DNAAF11: variants seen among roughly 807,000 people sequenced by gnomAD.
DNAAF11 encodes dynein axonemal assembly factor 11, also known as leucine rich repeat containing 6.
In DNAAF11, 45 loss-of-function variants were observed where a neutral mutation model predicts 60.8. The ratio of observed to expected loss-of-function variants is 0.74; its 90% CI spans 0.58 to 0.95. The LOEUF (loss-of-function observed/expected upper bound fraction) is 0.95. DNAAF11 is among the 40% of genes least tolerant of loss of function. The pLI, the probability that DNAAF11 is intolerant of heterozygous loss-of-function variation, is 0.00. For missense variants in DNAAF11, 546 were observed against 546.2 expected, an observed-to-expected ratio of 1.00 and a Z score of 0.00; for synonymous variants, 191 against 183.5, an observed-to-expected ratio of 1.04 and a Z score of -0.33.
At chr8:132,584,841 T>G (rs1018185274) in intron 10 of DNAAF11, among the ~76,000 whole-genome samples, 1 of 152,162 alleles carries the variant, frequency 6.6e-6, no homozygotes, top group Non-Finnish European at 1.5e-5. Context: ...AGACTAGGCC[T>G]GGACTTCAAG....
At chr8:132,698,036 C>G in the DNAAF11 span, among the ~76,000 whole-genome samples, 23 of 152,170 alleles carry the variant, frequency 1.5e-4, no homozygotes, top group African/African-American at 5.3e-4. Flanking sequence ...AAGTGGAAAA[C>G]ATCCTGGACT....
At chr8:132,682,681 CTTAG>C in the DNAAF11 span, among the ~76,000 whole-genome samples, 1 of 152,108 alleles carries the variant, frequency 6.6e-6, no homozygotes, top group Non-Finnish European at 1.5e-5. Flanking sequence ...AAACTAGTGT[CTTAG>C]TTATTTTGTG....
chr8:132,632,060 A>T (rs1820857538), intron 5 of DNAAF11, among the ~76,000 whole-genome samples: 1 of 152,058 alleles, frequency 6.6e-6, no homozygotes, highest in Non-Finnish European at 1.5e-5. Context: ...AAACATACAA[A>T]CTATTGTCAT....
At chr8:132,700,523 CA>C in the DNAAF11 span, among the ~76,000 whole-genome samples, 38,824 of 135,258 alleles carry the variant, frequency 0.29, 6,737 homozygotes, top group African/African-American at 0.52. Flanking sequence ...CCCACCTCTA[CA>C]AAAAAAAAAA....
intron 10 of DNAAF11, among the ~76,000 whole-genome samples, chr8:132,602,036 A>AT (rs985102765): frequency 3.0e-4 from 46 of 151,034 alleles, no homozygotes; most frequent in Admixed American, 2.8e-3. Context: ...CTTCGTTAAT[A>AT]TTTTTTTTTC....
chr8:132,638,625 C>T (rs745481248), intron 3 of DNAAF11, among the ~76,000 whole-genome samples: 7 of 151,950 alleles, frequency 4.6e-5, no homozygotes, highest in Non-Finnish European at 1.0e-4. Context: ...GCAAAGTCAC[C>T]TAGCAGAGAG....
chr8:132,673,602 T>C (rs1448380767), intron 1 of DNAAF11, among the ~76,000 whole-genome samples: 1 of 152,210 alleles, frequency 6.6e-6, no homozygotes, highest in Non-Finnish European at 1.5e-5. Flanking sequence ...CTTCTTTCTG[T>C]CTCACACCAG....
intron 7 of DNAAF11, among the ~76,000 whole-genome samples, chr8:132,621,688 G>A (rs1270732993): frequency 6.6e-6 from 1 of 152,134 alleles, no homozygotes; most frequent in Non-Finnish European, 1.5e-5. Context: ...CTAGTGTTCT[G>A]TCTTGCATTC....
chr8:132,593,332 C>CACATAT (rs1816660055), intron 10 of DNAAF11, among the ~76,000 whole-genome samples: 1 of 108,740 alleles, frequency 9.2e-6, no homozygotes, highest in Admixed American at 1.0e-4. Context: ...TATATACATA[C>CACATAT]ATATATATAT....
chr8:132,687,237 A>T, the DNAAF11 span, among the ~76,000 whole-genome samples: 5 of 152,246 alleles, frequency 3.3e-5, no homozygotes, highest in Admixed American at 3.3e-4. Flanking sequence ...ATTTACAGTT[A>T]TTTCCATTTA....
chr8:132,626,579 C>T (rs566113389), intron 5 of DNAAF11, among the ~76,000 whole-genome samples: 2 of 152,128 alleles, frequency 1.3e-5, no homozygotes, highest in South Asian at 2.1e-4. Flanking sequence ...TTCTGTTGTG[C>T]CAGGCACCAG....
At chr8:132,657,741 G>A (rs1823722943) in intron 2 of DNAAF11, among the ~76,000 whole-genome samples, 1 of 152,150 alleles carries the variant, frequency 6.6e-6, no homozygotes, top group Non-Finnish European at 1.5e-5. Flanking sequence ...CTTATCACAT[G>A]TCACACAATG....
At chr8:132,591,555 G>T (rs865796536) in intron 10 of DNAAF11, among the ~76,000 whole-genome samples, 109 of 151,838 alleles carry the variant, frequency 7.2e-4, no homozygotes, top group African/African-American at 2.4e-3. Flanking sequence ...ATTGTTTTCT[G>T]AAATACTTTT....
At chr8:132,618,064 A>C (rs1445481612) in intron 7 of DNAAF11, among the ~76,000 whole-genome samples, 1 of 151,088 alleles carries the variant, frequency 6.6e-6, no homozygotes, top group Non-Finnish European at 1.5e-5. Context: ...AGGCTACAGT[A>C]ACCAAAACAG....
chr8:132,591,492 T>C (rs1325955067), intron 10 of DNAAF11, among the ~76,000 whole-genome samples: 1 of 151,962 alleles, frequency 6.6e-6, no homozygotes, highest in Admixed American at 6.6e-5. Context: ...ATTTCTCATA[T>C]CTTTTGTGTT....
the DNAAF11 span, among the ~76,000 whole-genome samples, chr8:132,695,115 A>G: frequency 3.9e-5 from 6 of 152,316 alleles, no homozygotes; most frequent in East Asian, 1.2e-3. Context: ...GGCTACTTGC[A>G]TGGACGGTAG....
At chr8:132,702,828 C>G in the DNAAF11 span, among the ~76,000 whole-genome samples, 3 of 152,138 alleles carry the variant, frequency 2.0e-5, no homozygotes, top group Non-Finnish European at 2.9e-5. Context: ...CCTCTGACTC[C>G]AGAGCTGAAG....
intron 5 of DNAAF11, among the ~76,000 whole-genome samples, chr8:132,626,963 T>A (rs952839776): frequency 2.0e-5 from 3 of 152,348 alleles, no homozygotes; most frequent in African/African-American, 7.2e-5. Context: ...CTGAAAATAC[T>A]AGAACATGAA....
intron 3 of DNAAF11, among the ~76,000 whole-genome samples, chr8:132,651,841 A>AG (rs1039359132): frequency 6.6e-6 from 1 of 152,224 alleles, no homozygotes; most frequent in Non-Finnish European, 1.5e-5. Context: ...ACAGGAGAAC[A>AG]GGGCCGTAAA....
Sources: gnomAD v4.1 joint callset for allele counts (sites outside exome capture counted in the v4.1 genomes callset) on GRCh38, gnomAD v4.1.1 for gene constraint, MANE v1.5 for transcripts, NCBI Gene and HGNC (gene_info 2026-07-23, HGNC 2026-07-21) for gene names.